TCF12: variants seen among roughly 807,000 people sequenced by gnomAD.
TCF12 encodes the protein transcription factor 12.
In TCF12, 45 loss-of-function variants were observed where a neutral mutation model predicts 86.0. That is an observed-to-expected ratio of 0.52 (90% CI 0.41 to 0.67). TCF12 has a LOEUF of 0.67. Ranked by LOEUF, TCF12 falls within the 30% of genes least tolerant of loss-of-function variation. The pLI is 0.00. For synonymous variants in TCF12, 330 were observed against 299.6 expected (o/e 1.10, Z -1.05); for missense variants, 881 against 859.9 (o/e 1.02, Z -0.31).
chr15:57,166,505 T>G, intron 6 of TCF12, 39 bp downstream of exon 6: 1 of 1,546,428 alleles, frequency 6.5e-7, no homozygotes, highest in Non-Finnish European at 8.9e-7. Flanking sequence ...AGATGGTTTT[T>G]AAACACATAA....
Position 57,249,008 on chromosome 15 carries a change from G to A in TCF12, c.1115-2342G>A, listed in dbSNP as rs531488372. Among the ~76,000 whole-genome samples, 6 of 152,126 alleles carry A rather than the reference G, an allele frequency of 3.9e-5. No homozygotes were observed. In the East Asian group the frequency reaches 7.7e-4, roughly 20 times the overall value. Reference sequence around the variant, plus strand: ...AATTTGATGATCAGGCTTCTGTTACGGGGGGGCTTACAGAAGGAGTAGAAA... The same window carrying A: ...AATTTGATGATCAGGCTTCTGTTACAGGGGGGCTTACAGAAGGAGTAGAAA... On this transcript the variant is annotated intron_variant, in intron 13 of 20. Coordinates refer to ENST00000333725, the MANE Select transcript of TCF12 (RefSeq NM_207037.2).
intron 5 of TCF12, among the ~76,000 whole-genome samples, chr15:57,143,206 T>G (rs2053117141): frequency 6.6e-6 from 1 of 151,404 alleles, no homozygotes; most frequent in Admixed American, 6.6e-5. Context: ...GATTCTGAAC[T>G]TGGTCCTTTT....
intron 18 of TCF12, 145 bp from the exon 19 acceptor site, chr15:57,272,885 A>C: frequency 1.4e-6 from 1 of 730,382 alleles, no homozygotes; most frequent in East Asian, 2.7e-5. Context: ...AGGAATATAC[A>C]GTCATGTTAA....
chr15:57,087,100 TCTCTCC>T (rs571888336), intron 4 of TCF12, among the ~76,000 whole-genome samples: 33 of 148,316 alleles, frequency 2.2e-4, no homozygotes, highest in East Asian at 1.6e-3. Flanking sequence ...TGTCTCCCTC[TCTCTCC>T]CTCTCCCTCT....
chr15:57,104,885 T>TG (rs2050035868), intron 5 of TCF12, among the ~76,000 whole-genome samples: 1 of 120,380 alleles, frequency 8.3e-6, no homozygotes, highest in Non-Finnish European at 1.8e-5. Context: ...TTTTTTTTTT[T>TG]GTCCTGTGAG....
chr15:57,255,978 A>T (rs1399134697), intron 16 of TCF12, among the ~76,000 whole-genome samples: 3 of 152,170 alleles, frequency 2.0e-5, no homozygotes, highest in African/African-American at 7.2e-5. Context: ...GAGCTGTGGA[A>T]AATCTGCCAG....
intron 12 of TCF12, among the ~76,000 whole-genome samples, chr15:57,239,622 G>A (rs930502410): frequency 5.3e-5 from 8 of 152,046 alleles, no homozygotes; most frequent in African/African-American, 1.4e-4. Context: ...TAGTCCAGCC[G>A]CAAGTTTGAG....
At chr15:57,166,496 G>A in intron 6 of TCF12, 30 bp downstream of exon 6, 1 of 1,591,036 alleles carries the variant, frequency 6.3e-7, no homozygotes, top group Non-Finnish European at 8.6e-7. Context: ...AAAGCAATGA[G>A]ATGGTTTTTA....
intron 3 of TCF12, among the ~76,000 whole-genome samples, chr15:57,039,243 C>A (rs758129551): frequency 1.3e-5 from 2 of 152,074 alleles, no homozygotes; most frequent in African/African-American, 2.4e-5. Flanking sequence ...GTAATTGATG[C>A]CGTAATTGAG....
At chr15:57,059,080 A>G (rs949710053) in intron 3 of TCF12, among the ~76,000 whole-genome samples, 9 of 152,232 alleles carry the variant, frequency 5.9e-5, no homozygotes, top group Non-Finnish European at 1.2e-4. Context: ...ATCCCCCTAC[A>G]GCAGATGGCA....
chr15:57,170,643 A>AAATATATATATATATAATATAT (rs2055262033), intron 6 of TCF12, among the ~76,000 whole-genome samples: 3 of 20,758 alleles, frequency 1.4e-4, no homozygotes, highest in African/African-American at 8.7e-4. Flanking sequence ...TATATATATA[A>AAATATATATATATATAATATAT]TATATATATT....
intron 3 of TCF12, among the ~76,000 whole-genome samples, chr15:57,033,313 A>T (rs1276453933): frequency 6.6e-6 from 1 of 152,224 alleles, no homozygotes; most frequent in Admixed American, 6.5e-5. Flanking sequence ...TGTATACATT[A>T]AAGTGAAAAA....
At chr15:57,210,056 G>C (rs1331281833) in intron 8 of TCF12, among the ~76,000 whole-genome samples, 2 of 152,002 alleles carry the variant, frequency 1.3e-5, no homozygotes, top group African/African-American at 4.8e-5. Flanking sequence ...CTCTTTTCCT[G>C]ATGTATTTTT....
chr15:57,091,958 T>G (rs1286861049), intron 5 of TCF12, 67 bp downstream of exon 5: 4 of 1,375,314 alleles, frequency 2.9e-6, no homozygotes, highest in Non-Finnish European at 4.1e-6. Flanking sequence ...TTTTTATCCC[T>G]TTGTCCAGGA....
intron 3 of TCF12, among the ~76,000 whole-genome samples, chr15:56,958,678 A>C (rs28446486): frequency 7.0e-6 from 1 of 142,258 alleles, no homozygotes; most frequent in Admixed American, 7.0e-5. Flanking sequence ...AGAGAGAGAG[A>C]GTGTGTGTGT....
intron 3 of TCF12, among the ~76,000 whole-genome samples, chr15:57,004,619 C>T (rs1233000685): frequency 2.6e-5 from 4 of 152,062 alleles, no homozygotes; most frequent in African/African-American, 9.7e-5. Flanking sequence ...TTGTGTTAGC[C>T]AGGATGGTCT....
rs146716157 is a variant in TCF12, at chr15:56,922,346, T to C, written c.148+1248T>C. On this transcript the variant is annotated intron_variant, in intron 3 of 20. Transcript: ENST00000333725. ...GTTCCAGCTTAAGTTATGGTAAATA[T>C]ATATAACTGGACAGTCACTGATACA... Among the ~76,000 whole-genome samples the C allele has an allele frequency of 3.3e-5, 5 of 152,112 alleles. No individual in the cohort carries two copies. The East Asian group carries it at 5.8e-4, about 18-fold the overall frequency.
chr15:57,012,549 A>G (rs2064894877), intron 3 of TCF12, among the ~76,000 whole-genome samples: 1 of 152,196 alleles, frequency 6.6e-6, no homozygotes, highest in African/African-American at 2.4e-5. Context: ...GATAGAGTTT[A>G]GTGTGCAGGA....
At chr15:57,115,747 GGTCA>G (rs1445933206) in intron 5 of TCF12, among the ~76,000 whole-genome samples, 7 of 152,216 alleles carry the variant, frequency 4.6e-5, no homozygotes, top group Admixed American at 1.3e-4. Context: ...GTGCGAGAAA[GGTCA>G]GTCATTTTGG....
Sources: allele counts gnomAD v4.1 joint callset (sites outside exome capture counted in the v4.1 genomes callset), GRCh38; gene constraint gnomAD v4.1.1; transcripts MANE v1.5; gene names NCBI Gene and HGNC (gene_info 2026-07-23, HGNC 2026-07-21).